The following MAP2K4 variants were observed in gnomAD, a reference collection of about 807,000 sequenced individuals.
MAP2K4 encodes the protein mitogen-activated protein kinase kinase 4, also known as dual specificity mitogen-activated protein kinase kinase 4.
A neutral mutation model predicts 48.5 loss-of-function variants in MAP2K4; 4 were observed. That is an observed-to-expected ratio of 0.08 (90% CI 0.04 to 0.19). MAP2K4 has a LOEUF of 0.19. Among genes scored for constraint, MAP2K4 ranks in the 10% least tolerant of loss-of-function variants. The pLI, the probability that MAP2K4 is intolerant of heterozygous loss-of-function variation, is 1.00. For missense variants in MAP2K4, 258 were observed against 493.3 expected (o/e 0.52, Z 4.52); for synonymous variants, 166 against 173.1 (o/e 0.96, Z 0.32).
At chr17:12,053,054 G>A (rs1317583793) in intron 1 of MAP2K4, among the ~76,000 whole-genome samples, 2 of 152,016 alleles carry the variant, frequency 1.3e-5, no homozygotes, top group African/African-American at 4.8e-5. Context: ...AATCAGGCAT[G>A]GGTAAAACTC....
intron 3 of MAP2K4, among the ~76,000 whole-genome samples, chr17:12,084,021 G>A: frequency 6.6e-6 from 1 of 152,218 alleles, no homozygotes; most frequent in Admixed American, 6.5e-5. Context: ...AGCTGGAAAT[G>A]ATCCTTAAGA....
intron 2 of MAP2K4, among the ~76,000 whole-genome samples, chr17:12,080,474 A>G (rs28923177): frequency 6.8e-4 from 103 of 152,304 alleles, no homozygotes; most frequent in Non-Finnish European, 1.3e-3. Flanking sequence ...TTTACAAAGC[A>G]TGGTTAGAAG....
At chr17:12,107,763 G>T in intron 4 of MAP2K4, 27 bp from the exon 5 acceptor site, 1 of 1,548,742 alleles carries the variant, frequency 6.5e-7, no homozygotes, top group South Asian at 1.2e-5. Context: ...AGATGTATAA[G>T]AATAACAGAT....
At chr17:12,060,249 C>T (rs1054943738) in intron 2 of MAP2K4, among the ~76,000 whole-genome samples, 5 of 152,034 alleles carry the variant, frequency 3.3e-5, no homozygotes, top group African/African-American at 7.2e-5. Flanking sequence ...CTGGTGTTGT[C>T]GTTATCTCTG....
chr17:12,073,522 C>T (rs1970887059), intron 2 of MAP2K4, among the ~76,000 whole-genome samples: 1 of 152,126 alleles, frequency 6.6e-6, no homozygotes, highest in African/African-American at 2.4e-5. Context: ...TCAAATCTGC[C>T]TTTGAACCAT....
At chr17:12,057,548 C>G (rs1187887851) in intron 2 of MAP2K4, among the ~76,000 whole-genome samples, 1 of 152,062 alleles carries the variant, frequency 6.6e-6, no homozygotes, top group African/African-American at 2.4e-5. Flanking sequence ...CAGATTAACC[C>G]TTTTAGTTTC....
chr17:12,086,293 A>G (rs1164589055), intron 3 of MAP2K4, among the ~76,000 whole-genome samples: 1 of 152,078 alleles, frequency 6.6e-6, no homozygotes, highest in African/African-American at 2.4e-5. Flanking sequence ...ATGCTTCCTA[A>G]TATTGCTTAA....
chr17:12,029,896 C>G (rs868088045), intron 1 of MAP2K4, among the ~76,000 whole-genome samples: 1 of 149,918 alleles, frequency 6.7e-6, no homozygotes, highest in African/African-American at 2.5e-5. Flanking sequence ...CCAGCATGAG[C>G]GACAGCAAGA....
chr17:12,063,341 A>G (rs1970511079), intron 2 of MAP2K4, among the ~76,000 whole-genome samples: 1 of 152,170 alleles, frequency 6.6e-6, no homozygotes, highest in Non-Finnish European at 1.5e-5. Flanking sequence ...GTAGACAAAC[A>G]CACATGTATA....
At chr17:12,037,901 T>G (rs759673158) in intron 1 of MAP2K4, among the ~76,000 whole-genome samples, 36 of 152,260 alleles carry the variant, frequency 2.4e-4, no homozygotes, top group Non-Finnish European at 4.4e-4. Flanking sequence ...CTTAGTTGTC[T>G]TTGACCTTGG....
At chr17:12,029,028 T>TA (rs553321435) in intron 1 of MAP2K4, among the ~76,000 whole-genome samples, 147 of 152,362 alleles carry the variant, frequency 9.6e-4, no homozygotes, top group Non-Finnish European at 1.9e-3. Context: ...TTTTGTTTTT[T>TA]ACTTTATCGA....
intron 5 of MAP2K4, among the ~76,000 whole-genome samples, chr17:12,108,421 T>G (rs1972195265): frequency 6.6e-6 from 1 of 152,134 alleles, no homozygotes; most frequent in East Asian, 1.9e-4. Context: ...GACTAGCAGT[T>G]TCAGGGGCCA....
At chr17:12,026,024 C>G (rs892443430) in intron 1 of MAP2K4, among the ~76,000 whole-genome samples, 1 of 152,156 alleles carries the variant, frequency 6.6e-6, no homozygotes, top group African/African-American at 2.4e-5. Flanking sequence ...TAACCTCATA[C>G]AAGTTCACCT....
intron 4 of MAP2K4, among the ~76,000 whole-genome samples, chr17:12,098,000 C>A (rs1399623863): frequency 6.6e-6 from 1 of 152,062 alleles, no homozygotes; most frequent in Non-Finnish European, 1.5e-5. Context: ...TAGGTACTTT[C>A]TGAATAATAA....
chr17:12,034,945 CAG>C (rs1451045386), intron 1 of MAP2K4, among the ~76,000 whole-genome samples: 2 of 152,268 alleles, frequency 1.3e-5, no homozygotes, highest in South Asian at 2.1e-4. Context: ...GTGAAAGACT[CAG>C]GGAATGGGAG....
chr17:12,045,932 G>A (rs1969947844), intron 1 of MAP2K4, among the ~76,000 whole-genome samples: 2 of 152,180 alleles, frequency 1.3e-5, no homozygotes, highest in South Asian at 4.1e-4. Flanking sequence ...ATTTAAAAAT[G>A]GTCTGAGCAC....
chr17:12,061,401 A>AT (rs1970445831), intron 2 of MAP2K4, among the ~76,000 whole-genome samples: 1 of 152,186 alleles, frequency 6.6e-6, no homozygotes, highest in African/African-American at 2.4e-5. Context: ...GTACACTTCC[A>AT]TAAGTCAGCA....
intron 2 of MAP2K4, among the ~76,000 whole-genome samples, chr17:12,058,241 T>C (rs1165749032): frequency 6.8e-6 from 1 of 146,946 alleles, no homozygotes; most frequent in Non-Finnish European, 1.5e-5. Context: ...TTTTTTTTTT[T>C]TTTTTAAGTG....
chr17:12,071,166 C>A (rs191752302), intron 2 of MAP2K4, among the ~76,000 whole-genome samples: 97 of 152,276 alleles, frequency 6.4e-4, no homozygotes, highest in African/African-American at 2.2e-3. Context: ...TCCAGAATCT[C>A]TTTTTTGAGA....
Sources: allele counts gnomAD v4.1 joint callset (sites outside exome capture counted in the v4.1 genomes callset), GRCh38; gene constraint gnomAD v4.1.1; transcripts MANE v1.5; gene names NCBI Gene and HGNC (gene_info 2026-07-23, HGNC 2026-07-21).